LAMA2: variants seen among roughly 807,000 people sequenced by gnomAD.
LAMA2 encodes laminin subunit alpha 2, also known as laminin subunit alpha-2.
In LAMA2, 269 loss-of-function variants were observed where a neutral mutation model predicts 364.8. The observed-to-expected ratio is 0.74, with a 90% CI of 0.67 to 0.82. The LOEUF is 0.82. LAMA2 is among the 40% of genes least tolerant of loss of function. The pLI is 0.00. For missense variants in LAMA2, 3,807 were observed against 3,873.2 expected (o/e 0.98, Z 0.45); for synonymous variants, 1,379 against 1,370.6 (o/e 1.01, Z -0.14).
At chr6:129,322,518 G>A (rs766200683) in intron 28 of LAMA2, among the ~76,000 whole-genome samples, 4 of 152,150 alleles carry the variant, frequency 2.6e-5, no homozygotes, top group Non-Finnish European at 5.9e-5. Context: ...CTTGATCAAT[G>A]CTCTTAATTG....
At position 129,478,689 on chromosome 6, in the gene LAMA2, A is replaced by C. The variant is rs770296949; in HGVS notation, c.7452-4A>C. The C allele has an allele frequency of 1.2e-4, 190 of 1,613,376 alleles. 1 individual carries two copies. Among genetic ancestry groups the C allele is most frequent in the Non-Finnish European group, 2.1e-5 (25 of 1,179,580 alleles). On this transcript the variant is annotated splice_polypyrimidine_tract_variant and splice_region_variant and intron_variant, in intron 53 of 64. Transcript: ENST00000421865. ...CTTTTGCTTTTCATTTGACTATTCA[A>C]TAGGCCAGAAGTAAATCTGAAGAAA...
chr6:128,917,936 A>G (rs576423811), intron 1 of LAMA2, among the ~76,000 whole-genome samples: 42 of 151,738 alleles, frequency 2.8e-4, no homozygotes, highest in Non-Finnish European at 5.4e-4. Context: ...GTACTTTGCC[A>G]TGTTGCTCAG....
chr6:129,500,922 A>G (rs1785582529), intron 58 of LAMA2, among the ~76,000 whole-genome samples: 1 of 152,218 alleles, frequency 6.6e-6, no homozygotes, highest in South Asian at 2.1e-4. Flanking sequence ...GACATAACCC[A>G]CTGGTGGTTC....
chr6:129,381,351 CT>C (rs958544647), intron 34 of LAMA2, among the ~76,000 whole-genome samples: 10 of 149,550 alleles, frequency 6.7e-5, no homozygotes, highest in African/African-American at 2.2e-4. Flanking sequence ...CTTTTCTTTT[CT>C]TTTTTTTTGA....
chr6:129,070,128 G>C (rs1270599176), intron 3 of LAMA2, among the ~76,000 whole-genome samples: 1 of 151,970 alleles, frequency 6.6e-6, no homozygotes, highest in Non-Finnish European at 1.5e-5. Context: ...TAGGTAACTT[G>C]TCCCACTTTT....
chr6:129,200,274 G>GTATA (rs147216290), intron 12 of LAMA2, among the ~76,000 whole-genome samples: 4 of 86,192 alleles, frequency 4.6e-5, no homozygotes, highest in African/African-American at 2.2e-4. Context: ...ATATACATGT[G>GTATA]TATATATATA....
chr6:129,219,479 A>G (rs1255869246), intron 12 of LAMA2, among the ~76,000 whole-genome samples: 7 of 151,908 alleles, frequency 4.6e-5, no homozygotes, highest in African/African-American at 1.7e-4. Flanking sequence ...ATTACTGGGT[A>G]TGTACCCAAA....
intron 53 of LAMA2, among the ~76,000 whole-genome samples, chr6:129,476,359 G>A (rs1271523756): frequency 1.3e-5 from 2 of 152,212 alleles, no homozygotes; most frequent in Non-Finnish European, 2.9e-5. Context: ...ACCACTAGTT[G>A]TGCTACATTT....
chr6:129,422,090 G>A (rs1304752122), intron 40 of LAMA2, among the ~76,000 whole-genome samples: 1 of 151,898 alleles, frequency 6.6e-6, no homozygotes, highest in Non-Finnish European at 1.5e-5. Flanking sequence ...TGCCCTTGAC[G>A]AACCCTACAA....
At chr6:129,013,391 C>T (rs966562425) in intron 1 of LAMA2, among the ~76,000 whole-genome samples, 1 of 151,852 alleles carries the variant, frequency 6.6e-6, no homozygotes, top group African/African-American at 2.4e-5. Flanking sequence ...GAGCCGAGAT[C>T]GCGCCACTGC....
chr6:129,214,409 A>C (rs1226716890), intron 12 of LAMA2, among the ~76,000 whole-genome samples: 1 of 152,152 alleles, frequency 6.6e-6, no homozygotes, highest in Non-Finnish European at 1.5e-5. Context: ...CACCTCTCCA[A>C]GGCACCACCT....
chr6:129,252,293 C>T lies in LAMA2; in HGVS notation c.2094C>T (p.Phe698=), dbSNP rs2114287828. ...ITYSFGMDAI[F]RLSSVNLESA... The stretch of plus-strand genomic sequence containing the variant: ...ACAGCTTTGGGATGGATGCCATCTT[C>T]AGGTAAAATCAAGAACTGCAGCTCC... Residue 698 remains phenylalanine, a splice_region_variant and synonymous_variant, in exon 14 of 65, where the codon TTC becomes TTT. Coordinates refer to ENST00000421865, the MANE Select transcript of LAMA2 (RefSeq NM_000426.4). 6.2e-7 allele frequency: 1 copy of T among 1,610,926 alleles called. No individual in the cohort carries two copies. Among genetic ancestry groups the T allele is most frequent in the Non-Finnish European group, 8.5e-7 (1 of 1,177,550 alleles).
At position 129,473,299 on chromosome 6, in the gene LAMA2, G is replaced by A. The variant is rs1425927229; in HGVS notation, c.7386G>A (p.Leu2462=). Residue 2462 remains leucine, a synonymous_variant, in exon 52 of 65, where the codon TTG becomes TTA. Transcript: ENST00000421865. ...CTGGAAACAACTTTGGTCTTGACTTGAAAGCAGATGACAAAATATATTTTG... is the reference window on the plus strand; with the variant it reads ...CTGGAAACAACTTTGGTCTTGACTTAAAAGCAGATGACAAAATATATTTTG... ...SSSGNNFGLD[L]KADDKIYFGG... 6.2e-7 allele frequency: 1 copy of A among 1,612,584 alleles called. No homozygotes were observed. Among genetic ancestry groups the A allele is most frequent in the East Asian group, 2.2e-5 (1 of 44,758 alleles).
chr6:129,397,918 CAG>C (rs1779747836), intron 37 of LAMA2, among the ~76,000 whole-genome samples: 1 of 127,228 alleles, frequency 7.9e-6, no homozygotes, highest in Admixed American at 9.3e-5. Flanking sequence ...GCCTGGGCGA[CAG>C]AGTGAGACTC....
At chr6:129,223,833 T>A (rs996897506) in intron 12 of LAMA2, among the ~76,000 whole-genome samples, 5 of 152,214 alleles carry the variant, frequency 3.3e-5, no homozygotes, top group African/African-American at 1.2e-4. Flanking sequence ...TGGGCTCTTT[T>A]TTGGTTCCAT....
At chr6:129,197,336 G>A (rs999368846) in intron 12 of LAMA2, among the ~76,000 whole-genome samples, 2 of 152,106 alleles carry the variant, frequency 1.3e-5, no homozygotes, top group African/African-American at 2.4e-5. Context: ...CTACTACCTT[G>A]AGGCTTCATC....
intron 1 of LAMA2, among the ~76,000 whole-genome samples, chr6:128,981,446 A>G (rs79732591): frequency 0.043 from 6,500 of 152,088 alleles, 439 homozygotes; most frequent in African/African-American, 0.15. Context: ...CTGAGACATT[A>G]AAAATGCCTT....
intron 1 of LAMA2, among the ~76,000 whole-genome samples, chr6:128,924,646 C>T (rs187329682): frequency 4.7e-4 from 71 of 152,244 alleles, no homozygotes; most frequent in Non-Finnish European, 6.2e-4. Context: ...TTAATAAAAG[C>T]TCAATGTACA....
chr6:129,352,228 G>A (rs1776890625), intron 31 of LAMA2, among the ~76,000 whole-genome samples: 1 of 152,212 alleles, frequency 6.6e-6, no homozygotes, highest in Non-Finnish European at 1.5e-5. Flanking sequence ...AAACCAGAAT[G>A]TATGGCCCTG....
Sources: allele counts gnomAD v4.1 joint callset (sites outside exome capture counted in the v4.1 genomes callset), GRCh38; gene constraint gnomAD v4.1.1; transcripts MANE v1.5; gene names NCBI Gene and HGNC (gene_info 2026-07-23, HGNC 2026-07-21).